Variants in IMMP2L observed in about 807,000 individuals in gnomAD.
The protein encoded by IMMP2L is mitochondrial inner membrane protease subunit 2.
Under a neutral mutation model 19.3 loss-of-function variants are expected in IMMP2L, and 18 were observed. The ratio of observed to expected loss-of-function variants is 0.93; its 90% CI spans 0.64 to 1.38. The LOEUF (loss-of-function observed/expected upper bound fraction) is 1.38, where lower values mean the gene tolerates loss of function less well. IMMP2L is among the 40% of genes most tolerant of loss of function. IMMP2L has a pLI of 0.00. For missense variants in IMMP2L, 233 were observed against 218.2 expected, an observed-to-expected ratio of 1.07 and a Z score of -0.43; for synonymous variants, 76 against 73.0, an observed-to-expected ratio of 1.04 and a Z score of -0.21.
At chr7:110,756,617 A>C (rs1798058480) in intron 5 of IMMP2L, among the ~76,000 whole-genome samples, 2 of 152,142 alleles carry the variant, frequency 1.3e-5, no homozygotes, top group Non-Finnish European at 2.9e-5. Context: ...CATAAAGAAT[A>C]TTAGATAGGT....
intron 5 of IMMP2L, among the ~76,000 whole-genome samples, chr7:110,717,252 G>A (rs1010770128): frequency 1.8e-4 from 28 of 152,110 alleles, no homozygotes; most frequent in East Asian, 5.8e-4. Flanking sequence ...CGAGGCGGGC[G>A]GATCATGAGG....
chr7:111,098,220 T>C (rs997038638), intron 3 of IMMP2L, among the ~76,000 whole-genome samples: 4 of 151,798 alleles, frequency 2.6e-5, no homozygotes, highest in Admixed American at 6.6e-5. Context: ...ACCAAACACA[T>C]AGTTTATATT....
chr7:111,407,936 C>T (rs1834037398), intron 3 of IMMP2L, among the ~76,000 whole-genome samples: 1 of 151,946 alleles, frequency 6.6e-6, no homozygotes, highest in Non-Finnish European at 1.5e-5. Context: ...GTTCTGAGTG[C>T]TTCATTTGTA....
intron 5 of IMMP2L, among the ~76,000 whole-genome samples, chr7:110,825,274 T>C (rs1367398428): frequency 6.6e-6 from 1 of 152,138 alleles, no homozygotes; most frequent in Non-Finnish European, 1.5e-5. Context: ...AGGTAATTTA[T>C]AGATTCCATG....
chr7:110,820,459 C>T (rs377136044), intron 5 of IMMP2L, among the ~76,000 whole-genome samples: 64 of 152,036 alleles, frequency 4.2e-4, no homozygotes, highest in Non-Finnish European at 7.7e-4. Context: ...TATGGAATAT[C>T]GGTGTTTTGT....
At chr7:110,914,788 C>T (rs1047278876) in intron 4 of IMMP2L, among the ~76,000 whole-genome samples, 8 of 111,694 alleles carry the variant, frequency 7.2e-5, no homozygotes, top group Middle Eastern at 9.0e-3. Flanking sequence ...GAAATATGTG[C>T]ATTTTTTTTA....
At chr7:111,354,924 C>T (rs1828546891) in intron 3 of IMMP2L, among the ~76,000 whole-genome samples, 1 of 151,704 alleles carries the variant, frequency 6.6e-6, no homozygotes, top group African/African-American at 2.4e-5. Context: ...AAATCCCTAC[C>T]CTATCCTGGA....
intron 1 of IMMP2L, among the ~76,000 whole-genome samples, chr7:111,524,799 C>A (rs1489239317): frequency 6.6e-6 from 1 of 151,506 alleles, no homozygotes; most frequent in East Asian, 1.9e-4. Flanking sequence ...AAATGAACAC[C>A]ACTACCAGAT....
rs564468967 is a variant in IMMP2L, at chr7:111,480,375, C to T, written c.239+6863G>A. Among the ~76,000 whole-genome samples the T allele has an allele frequency of 1.6e-3, 238 of 151,838 alleles. 1 individual carries two copies. The highest frequency in any genetic ancestry group is 3.0e-3 in the Non-Finnish European group (202 of 67,964). ...GATTACAGGCGTGAGCCACTGTTCCCGGCCAAGGATATCAACTTTTTGTAT... is the reference window on the plus strand; with the variant it reads ...GATTACAGGCGTGAGCCACTGTTCCTGGCCAAGGATATCAACTTTTTGTAT... On this transcript the variant is annotated intron_variant, in intron 3 of 5. Transcript: ENST00000405709.
At chr7:111,501,988 T>C (rs1428030463) in intron 2 of IMMP2L, among the ~76,000 whole-genome samples, 3 of 152,136 alleles carry the variant, frequency 2.0e-5, no homozygotes, top group Middle Eastern at 3.2e-3. Flanking sequence ...ACTTTAAATG[T>C]AAATGGGCTA....
chr7:111,238,836 A>G (rs1814652213), intron 3 of IMMP2L, among the ~76,000 whole-genome samples: 1 of 152,010 alleles, frequency 6.6e-6, no homozygotes, highest in Admixed American at 6.6e-5. Flanking sequence ...TTTGCCACTT[A>G]GTAGTTGTTT....
intron 3 of IMMP2L, among the ~76,000 whole-genome samples, chr7:111,235,744 C>T (rs1440044840): frequency 6.6e-6 from 1 of 151,524 alleles, no homozygotes; most frequent in Non-Finnish European, 1.5e-5. Flanking sequence ...ATTTTCTTTC[C>T]CACCATTTTT....
chr7:111,357,360 C>G (rs941828128), intron 3 of IMMP2L, among the ~76,000 whole-genome samples: 14 of 152,056 alleles, frequency 9.2e-5, no homozygotes, highest in Non-Finnish European at 1.2e-4. Context: ...AAAACCTCAC[C>G]ACACAGCATG....
At chr7:111,356,147 T>C (rs1476149760) in intron 3 of IMMP2L, among the ~76,000 whole-genome samples, 1 of 152,018 alleles carries the variant, frequency 6.6e-6, no homozygotes, top group Non-Finnish European at 1.5e-5. Context: ...TACAATCAGC[T>C]ATAAAGTAGA....
At chr7:110,866,641 C>A (rs572620791) in intron 5 of IMMP2L, among the ~76,000 whole-genome samples, 1 of 152,022 alleles carries the variant, frequency 6.6e-6, no homozygotes, top group Non-Finnish European at 1.5e-5. Context: ...AAGTATTCCA[C>A]GCTTGGAAAA....
At chr7:111,337,931 G>A (rs549226741) in intron 3 of IMMP2L, among the ~76,000 whole-genome samples, 5 of 152,002 alleles carry the variant, frequency 3.3e-5, no homozygotes, top group African/African-American at 1.2e-4. Context: ...AGGTTTACCA[G>A]AGATACAAAG....
intron 3 of IMMP2L, among the ~76,000 whole-genome samples, chr7:111,288,604 GC>G (rs1361663900): frequency 4.6e-5 from 7 of 152,114 alleles, no homozygotes; most frequent in Admixed American, 4.6e-4. Flanking sequence ...CAAAAAGTGG[GC>G]GAAGGGTATG....
At chr7:110,695,756 A>C (rs975520485) in intron 5 of IMMP2L, among the ~76,000 whole-genome samples, 1 of 152,104 alleles carries the variant, frequency 6.6e-6, no homozygotes, top group Non-Finnish European at 1.5e-5. Context: ...ACACCAAAGC[A>C]ACAGAATTCT....
chr7:111,057,276 G>C, intron 3 of IMMP2L, among the ~76,000 whole-genome samples: 1 of 152,086 alleles, frequency 6.6e-6, no homozygotes, highest in East Asian at 1.9e-4. Flanking sequence ...CCAGCCATCT[G>C]CCTCCTCCAT....
Sources: gnomAD v4.1 joint callset for allele counts (sites outside exome capture counted in the v4.1 genomes callset) on GRCh38, gnomAD v4.1.1 for gene constraint, MANE v1.5 for transcripts, NCBI Gene and HGNC (gene_info 2026-07-23, HGNC 2026-07-21) for gene names.